Variants in TDRD12 observed in about 807,000 individuals in gnomAD.
The protein encoded by TDRD12 is putative ATP-dependent RNA helicase TDRD12.
Under a neutral mutation model 133.5 loss-of-function variants are expected in TDRD12, and 158 were observed. The ratio of observed to expected loss-of-function variants is 1.18; its 90% CI spans 1.04 to 1.35. TDRD12 has a LOEUF of 1.35. TDRD12 is among the 40% of genes most tolerant of loss of function. The probability of loss-of-function intolerance (pLI) is 0.00; values close to 1 mark genes in which losing one functional copy is unlikely to be tolerated. For synonymous variants in TDRD12, 460 were observed against 477.9 expected, an observed-to-expected ratio of 0.96 and a Z score of 0.49; for missense variants, 1,443 against 1,321.3, an observed-to-expected ratio of 1.09 and a Z score of -1.43.
Position 32,797,730 on chromosome 19 carries a change from C to A in TDRD12, c.1474-5C>A. 1 of 665,712 alleles carries A rather than the reference C, an allele frequency of 1.5e-6. No homozygotes were observed. Among genetic ancestry groups the A allele is most frequent in the East Asian group, 2.7e-5 (1 of 36,796 alleles). The allele number at this position is 665,712 out of a possible 1,614,324, so 41.2% of individuals were successfully genotyped here. A position where few individuals can be genotyped will look rare whatever the true frequency, so the allele number is the denominator to read the frequency against. ...GGAGTCATTTGAATTTGTCTGTCTTCGCAGCCTCTCGCAGTCATCGTGTGC... is the reference window on the plus strand; with the variant it reads ...GGAGTCATTTGAATTTGTCTGTCTTAGCAGCCTCTCGCAGTCATCGTGTGC... On this transcript the variant is annotated splice_region_variant and splice_polypyrimidine_tract_variant and intron_variant, in intron 14 of 27. Coordinates refer to ENST00000444215, the Ensembl canonical transcript of TDRD12.
At chr19:32,777,073 T>G in intron 10 of TDRD12, 76 bp from the exon 11 acceptor site, 1 of 931,580 alleles carries the variant, frequency 1.1e-6, no homozygotes, top group Non-Finnish European at 1.6e-6. Flanking sequence ...TTTTTATTTT[T>G]GTCGAGATGG....
At chr19:32,800,664 A>G (rs1186642136) in exon 18 of TDRD12, 1 of 1,535,344 alleles carries the variant, frequency 6.5e-7, no homozygotes, top group Non-Finnish European at 8.7e-7. Flanking sequence ...TTTGCCTAGA[A>G]TGTGAAAAAA....
intron 1 of TDRD12, among the ~76,000 whole-genome samples, chr19:32,727,463 A>G (rs1968896777): frequency 6.6e-6 from 1 of 152,000 alleles, no homozygotes. Context: ...ACAGTTTTTA[A>G]ATTTCAATGA....
At chr19:32,787,476 A>G (rs943749121) in intron 11 of TDRD12, among the ~76,000 whole-genome samples, 2 of 152,164 alleles carry the variant, frequency 1.3e-5, no homozygotes, top group African/African-American at 2.4e-5. Flanking sequence ...AGGGACGTTT[A>G]AGTCTGGAGA....
chr19:32,725,023 A>G lies in TDRD12; in HGVS notation c.24+4927A>G, dbSNP rs187892026. On this transcript the variant is annotated intron_variant, in intron 1 of 27. Coordinates refer to ENST00000444215, the Ensembl canonical transcript of TDRD12. Reference sequence around the variant, plus strand: ...GCTGCATAAATGTCTTCTTTTGAGAAGTGTCTGTTCATGCGCTTTGCCTAC... The same window carrying G: ...GCTGCATAAATGTCTTCTTTTGAGAGGTGTCTGTTCATGCGCTTTGCCTAC... Among the ~76,000 whole-genome samples, 247 of 152,258 alleles carry G rather than the reference A, an allele frequency of 1.6e-3. 1 individual carries two copies. The highest frequency in any genetic ancestry group is 5.7e-3 in the African/African-American group (238 of 41,546).
chr19:32,755,878 T>C (rs1379723761), intron 6 of TDRD12, 114 bp from the exon 7 acceptor site: 7 of 760,080 alleles, frequency 9.2e-6, no homozygotes, highest in Non-Finnish European at 1.4e-5. Flanking sequence ...CAGATTATGT[T>C]CTGTAAAATA....
intron 13 of TDRD12, among the ~76,000 whole-genome samples, chr19:32,792,626 G>A (rs1380982593): frequency 3.3e-5 from 5 of 152,116 alleles, no homozygotes; most frequent in African/African-American, 9.7e-5. Flanking sequence ...GGATTTCTAG[G>A]AAGAATGAAG....
intron 8 of TDRD12, among the ~76,000 whole-genome samples, chr19:32,757,499 C>T (rs1217077694): frequency 2.0e-5 from 3 of 152,206 alleles, no homozygotes; most frequent in Admixed American, 6.5e-5. Flanking sequence ...GGCAGAAATA[C>T]GTAGTTTTAA....
rs1969979241 is a variant in TDRD12 at position 32,755,974 on chromosome 19, A to G, written c.583-18A>G. ...CTATATTTGTCTTATTAGTCATGAA[A>G]TGTTTAAAATTTTACAGGTTTGTGT... On this transcript the variant is annotated intron_variant, in intron 6 of 27. Coordinates refer to ENST00000444215, the Ensembl canonical transcript of TDRD12. 1 of 1,436,492 alleles carries G rather than the reference A, an allele frequency of 7.0e-7. No individual in the cohort carries two copies. Among genetic ancestry groups the G allele is most frequent in the Non-Finnish European group, 9.1e-7 (1 of 1,099,310 alleles). The allele number at this position is 1,436,492 out of a possible 1,614,324, so 89.0% of individuals were successfully genotyped here. A position where few individuals can be genotyped will look rare whatever the true frequency, so the allele number is the denominator to read the frequency against.
intron 19 of TDRD12, among the ~76,000 whole-genome samples, chr19:32,802,228 T>C (rs1160676668): frequency 2.7e-5 from 4 of 146,188 alleles, no homozygotes; most frequent in Admixed American, 1.4e-4. Flanking sequence ...ATAGTGATCA[T>C]ATATATGATA....
chr19:32,786,407 G>A (rs1208954738), intron 11 of TDRD12, among the ~76,000 whole-genome samples: 1 of 152,082 alleles, frequency 6.6e-6, no homozygotes, highest in African/African-American at 2.4e-5. Context: ...GTGTCTTGGG[G>A]TTGCTCTTCT....
intron 4 of TDRD12, among the ~76,000 whole-genome samples, chr19:32,746,583 AG>A (rs543038255): frequency 0.019 from 2,468 of 129,472 alleles, 135 homozygotes; most frequent in East Asian, 0.12. Context: ...TGTGAGAGAG[AG>A]AGAGTCTGGC....
At chr19:32,728,793 C>A (rs1296741137) in intron 1 of TDRD12, among the ~76,000 whole-genome samples, 6 of 149,852 alleles carry the variant, frequency 4.0e-5, no homozygotes, top group Admixed American at 6.7e-5. Context: ...CTACAGGTGC[C>A]CACCACCACA....
At chr19:32,802,423 G>A (rs919187058) in intron 19 of TDRD12, among the ~76,000 whole-genome samples, 27 of 151,604 alleles carry the variant, frequency 1.8e-4, no homozygotes, top group Admixed American at 1.4e-3. Context: ...CATATGGGCC[G>A]CTTGGATTTG....
intron 1 of TDRD12, among the ~76,000 whole-genome samples, chr19:32,726,728 C>A (rs1450824511): frequency 1.3e-5 from 2 of 151,884 alleles, no homozygotes; most frequent in Admixed American, 6.6e-5. Flanking sequence ...TATAGCAAGA[C>A]CCTGTCTCTT....
At chr19:32,758,924 A>T (rs1420860855) in intron 8 of TDRD12, among the ~76,000 whole-genome samples, 1 of 151,704 alleles carries the variant, frequency 6.6e-6, no homozygotes, top group Non-Finnish European at 1.5e-5. Flanking sequence ...ACAGAGTGAG[A>T]CTCTGTCTCA....
intron 21 of TDRD12, among the ~76,000 whole-genome samples, chr19:32,807,308 A>G (rs1377141829): frequency 2.8e-5 from 4 of 142,034 alleles, no homozygotes; most frequent in Non-Finnish European, 6.0e-5. Flanking sequence ...AAAGTTTGCT[A>G]GAGAAATAAT....
intron 2 of TDRD12, among the ~76,000 whole-genome samples, chr19:32,733,923 G>A (rs1400859260): frequency 7.6e-6 from 1 of 132,128 alleles, no homozygotes; most frequent in East Asian, 2.3e-4. Flanking sequence ...ACAGAGTCTT[G>A]TTCTGTTGCC....
intron 21 of TDRD12, among the ~76,000 whole-genome samples, chr19:32,806,172 G>A (rs781246616): frequency 1.1e-4 from 16 of 152,114 alleles, no homozygotes; most frequent in Non-Finnish European, 1.9e-4. Flanking sequence ...TGATCCAGAC[G>A]CAACACCACT....
Sources: allele counts gnomAD v4.1 joint callset (sites outside exome capture counted in the v4.1 genomes callset), GRCh38; gene constraint gnomAD v4.1.1; transcripts MANE v1.5; gene names NCBI Gene and HGNC (gene_info 2026-07-23, HGNC 2026-07-21).